The following NTRK3 variants were observed in gnomAD, a reference collection of about 807,000 sequenced individuals.
NTRK3 encodes the protein NT-3 growth factor receptor.
Under a neutral mutation model 91.7 loss-of-function variants are expected in NTRK3, and 24 were observed. The ratio of observed to expected loss-of-function variants is 0.26; its 90% CI spans 0.19 to 0.37. The LOEUF is 0.37. Ranked by LOEUF, NTRK3 falls within the 10% of genes least tolerant of loss-of-function variation. NTRK3 has a pLI of 1.00. For missense variants in NTRK3, 880 were observed against 1,068.9 expected (o/e 0.82, Z 2.46); for synonymous variants, 483 against 404.0 (o/e 1.20, Z -2.34).
chr15:88,182,713 C>T (rs977021088), intron 5 of NTRK3, among the ~76,000 whole-genome samples: 1 of 152,178 alleles, frequency 6.6e-6, no homozygotes, highest in East Asian at 1.9e-4. Flanking sequence ...CCTTTCATGC[C>T]CACTTTCTCC....
intron 13 of NTRK3, among the ~76,000 whole-genome samples, chr15:88,086,867 C>T (rs1260040895): frequency 1.3e-5 from 2 of 152,196 alleles, no homozygotes; most frequent in Non-Finnish European, 2.9e-5. Context: ...CTCCACCCTC[C>T]ATGCCTGAAG....
chr15:87,983,867 A>T (rs1469421716), intron 14 of NTRK3, among the ~76,000 whole-genome samples: 1 of 152,118 alleles, frequency 6.6e-6, no homozygotes, highest in East Asian at 1.9e-4. Context: ...TACCTTATTA[A>T]CAGCTTCCTT....
At chr15:88,112,048 A>G (rs547612716) in intron 13 of NTRK3, among the ~76,000 whole-genome samples, 2 of 151,858 alleles carry the variant, frequency 1.3e-5, no homozygotes, top group African/African-American at 2.4e-5. Flanking sequence ...CTGGGACTAC[A>G]GGCACCCGCC....
At chr15:87,907,088 C>T (rs1369719984) in intron 17 of NTRK3, among the ~76,000 whole-genome samples, 2 of 152,050 alleles carry the variant, frequency 1.3e-5, no homozygotes, top group African/African-American at 4.8e-5. Flanking sequence ...TTTAGACAAT[C>T]AAACATACAC....
At chr15:87,931,137 T>C in intron 16 of NTRK3, 1 of 481,558 alleles carries the variant, frequency 2.1e-6, no homozygotes, top group South Asian at 1.6e-5. Context: ...TCCCTCCTAC[T>C]ATCTTCTTTC....
intron 13 of NTRK3, among the ~76,000 whole-genome samples, chr15:88,051,822 T>C (rs2080854925): frequency 6.6e-6 from 1 of 152,222 alleles, no homozygotes; most frequent in Admixed American, 6.5e-5. Flanking sequence ...AGTGACAGGT[T>C]CTTCTTTTAA....
chr15:87,945,800 T>TG (rs1404824061), intron 14 of NTRK3, among the ~76,000 whole-genome samples: 15 of 63,292 alleles, frequency 2.4e-4, no homozygotes, highest in South Asian at 6.0e-4. Context: ...GAGTGAAGAC[T>TG]GGGAAAAAAA....
At chr15:87,889,335 C>T (rs2065725521) in intron 17 of NTRK3, among the ~76,000 whole-genome samples, 1 of 149,476 alleles carries the variant, frequency 6.7e-6, no homozygotes, top group Non-Finnish European at 1.5e-5. Flanking sequence ...TATAGCTTGT[C>T]ATTTGTTACT....
At chr15:88,232,236 C>A (rs994069896) in intron 3 of NTRK3, among the ~76,000 whole-genome samples, 1 of 152,156 alleles carries the variant, frequency 6.6e-6, no homozygotes, top group African/African-American at 2.4e-5. Context: ...TATATAGGCA[C>A]CATCCTCAAA....
At chr15:87,928,786 G>T in intron 17 of NTRK3, 1 of 289,924 alleles carries the variant, frequency 3.4e-6, no homozygotes, top group Non-Finnish European at 6.5e-6. Context: ...AATAAAATGT[G>T]TCATGGGTGA....
At chr15:87,929,101 AGAGT>A in intron 17 of NTRK3, 86 bp downstream of exon 17, 1 of 1,600,214 alleles carries the variant, frequency 6.2e-7, no homozygotes, top group Non-Finnish European at 8.6e-7. Flanking sequence ...TGTGTGTGCC[AGAGT>A]GACAGGGTTA....
chr15:88,060,779 C>G (rs544983608), intron 13 of NTRK3, among the ~76,000 whole-genome samples: 1 of 152,162 alleles, frequency 6.6e-6, no homozygotes, highest in East Asian at 1.9e-4. Context: ...TTTTCATCAC[C>G]CAGGAAAGAA....
chr15:87,919,625 G>C (rs964506778), intron 17 of NTRK3, among the ~76,000 whole-genome samples: 2 of 152,176 alleles, frequency 1.3e-5, no homozygotes, highest in African/African-American at 4.8e-5. Flanking sequence ...GCAATAATTA[G>C]ATAATCCTCA....
At chr15:88,135,692 C>A (rs1032509908) in intron 9 of NTRK3, among the ~76,000 whole-genome samples, 6 of 152,214 alleles carry the variant, frequency 3.9e-5, no homozygotes, top group Non-Finnish European at 8.8e-5. Flanking sequence ...TGGAGCCACA[C>A]CATCTTCTGA....
intron 18 of NTRK3, among the ~76,000 whole-genome samples, chr15:87,879,433 C>G (rs1448720465): frequency 6.6e-6 from 1 of 152,216 alleles, no homozygotes; most frequent in Non-Finnish European, 1.5e-5. Flanking sequence ...TGAGAAGCAT[C>G]TTGATGGGCT....
intron 5 of NTRK3, among the ~76,000 whole-genome samples, chr15:88,175,927 G>C (rs974047166): frequency 1.3e-5 from 2 of 152,142 alleles, no homozygotes; most frequent in Admixed American, 1.3e-4. Flanking sequence ...GGGTGGGTTA[G>C]AGGCAATAGC....
intron 14 of NTRK3, among the ~76,000 whole-genome samples, chr15:87,977,143 A>G (rs1265531940): frequency 6.6e-6 from 1 of 152,202 alleles, no homozygotes; most frequent in African/African-American, 2.4e-5. Context: ...CTTTCTCAAT[A>G]CGATGAAAAA....
chr15:88,133,291 C>T (rs142917318), intron 10 of NTRK3, among the ~76,000 whole-genome samples: 10 of 152,204 alleles, frequency 6.6e-5, no homozygotes, highest in East Asian at 1.9e-4. Context: ...GCTGAGAAGA[C>T]GCAAAGTATT....
At chr15:88,181,696 T>C (rs2046478360) in intron 5 of NTRK3, among the ~76,000 whole-genome samples, 1 of 152,198 alleles carries the variant, frequency 6.6e-6, no homozygotes, top group Non-Finnish European at 1.5e-5. Context: ...AAAGGTCTTG[T>C]TTTTAGTCGG....
Sources: allele counts gnomAD v4.1 joint callset (sites outside exome capture counted in the v4.1 genomes callset), GRCh38; gene constraint gnomAD v4.1.1; transcripts MANE v1.5; gene names NCBI Gene and HGNC (gene_info 2026-07-23, HGNC 2026-07-21).